Variants in CBLN2 observed in about 807,000 individuals in gnomAD.
The protein encoded by CBLN2 is cerebellin-2.
A neutral mutation model predicts 15.0 loss-of-function variants in CBLN2; 7 were observed. That is an observed-to-expected ratio of 0.47 (90% CI 0.27 to 0.88). The LOEUF is 0.88. CBLN2 is among the 40% of genes least tolerant of loss of function. CBLN2 has a pLI of 0.14. For synonymous variants in CBLN2, 149 were observed against 135.2 expected (o/e 1.10, Z -0.71); for missense variants, 242 against 304.5 (o/e 0.79, Z 1.53).
intron 1 of CBLN2, among the ~76,000 whole-genome samples, chr18:72,551,730 T>C (rs2069193345): frequency 6.6e-6 from 1 of 152,194 alleles, no homozygotes; most frequent in African/African-American, 2.4e-5. Flanking sequence ...ATACATTACA[T>C]GAAATTATAT....
At chr18:72,619,120 G>A (rs1367554421) in intron 1 of CBLN2, 2 of 744,302 alleles carry the variant, frequency 2.7e-6, no homozygotes, top group South Asian at 1.3e-5. Flanking sequence ...AGAAGCTCTG[G>A]CCCCTATGGT....
chr18:72,550,285 T>C (rs1297347783), intron 1 of CBLN2, among the ~76,000 whole-genome samples: 1 of 152,220 alleles, frequency 6.6e-6, no homozygotes, highest in Non-Finnish European at 1.5e-5. Context: ...TCCTCTCCAA[T>C]AAGCCTAAAC....
intron 1 of CBLN2, among the ~76,000 whole-genome samples, chr18:72,603,982 A>G (rs993321827): frequency 6.6e-6 from 1 of 152,228 alleles, no homozygotes; most frequent in Non-Finnish European, 1.5e-5. Flanking sequence ...GTGGCTACAC[A>G]TGGAATCCCA....
intron 1 of CBLN2, among the ~76,000 whole-genome samples, chr18:72,588,396 A>G (rs1414359066): frequency 6.6e-6 from 1 of 152,250 alleles, no homozygotes; most frequent in Non-Finnish European, 1.5e-5. Flanking sequence ...TTTGTATAAC[A>G]TGAAATTGAC....
intron 1 of CBLN2, among the ~76,000 whole-genome samples, chr18:72,549,442 C>A (rs541056127): frequency 1.1e-4 from 17 of 152,134 alleles, no homozygotes; most frequent in Non-Finnish European, 1.8e-4. Context: ...AGGTTTACTG[C>A]AGACACATAG....
At chr18:72,635,680 A>T (rs2069807670) in intron 1 of CBLN2, among the ~76,000 whole-genome samples, 1 of 152,150 alleles carries the variant, frequency 6.6e-6, no homozygotes, top group African/African-American at 2.4e-5. Flanking sequence ...AAAACAACAA[A>T]ATTATTCAAA....
intron 3 of CBLN2, among the ~76,000 whole-genome samples, chr18:72,540,809 A>G (rs1568248839): frequency 1.3e-5 from 2 of 152,338 alleles, no homozygotes; most frequent in South Asian, 2.1e-4. Flanking sequence ...CTAACAGACC[A>G]AAGGAAAGTC....
intron 1 of CBLN2, among the ~76,000 whole-genome samples, chr18:72,588,046 G>A (rs1418530333): frequency 4.6e-5 from 7 of 152,082 alleles, no homozygotes; most frequent in South Asian, 2.1e-4. Flanking sequence ...TTTATAAATC[G>A]CTATTATGTA....
intron 1 of CBLN2, among the ~76,000 whole-genome samples, chr18:72,551,183 G>A (rs1199844501): frequency 6.6e-6 from 1 of 151,928 alleles, no homozygotes; most frequent in Non-Finnish European, 1.5e-5. Flanking sequence ...AATTTTAGGT[G>A]TTTCTACCAT....
At chr18:72,577,023 T>C (rs1014414475) in intron 1 of CBLN2, among the ~76,000 whole-genome samples, 4 of 134,990 alleles carry the variant, frequency 3.0e-5, no homozygotes, top group African/African-American at 5.4e-5. Flanking sequence ...TATAATGTGA[T>C]ATATATAATG....
chr18:72,559,196 GC>G (rs774792251), intron 1 of CBLN2, among the ~76,000 whole-genome samples: 1 of 152,214 alleles, frequency 6.6e-6, no homozygotes, highest in Non-Finnish European at 1.5e-5. Flanking sequence ...CGGGTCTCAG[GC>G]AGCAATGCAC....
intron 1 of CBLN2, among the ~76,000 whole-genome samples, chr18:72,562,510 G>A (rs181322427): frequency 1.2e-4 from 19 of 152,210 alleles, no homozygotes; most frequent in Admixed American, 5.9e-4. Context: ...ATCATTTGTC[G>A]TACTAAAGTG....
chr18:72,621,958 C>G (rs772492636), intron 1 of CBLN2, among the ~76,000 whole-genome samples: 3 of 152,152 alleles, frequency 2.0e-5, no homozygotes, highest in African/African-American at 4.8e-5. Context: ...GAGTGGAACA[C>G]ACATTAATTA....
At chr18:72,550,492 T>C (rs528856858) in intron 1 of CBLN2, among the ~76,000 whole-genome samples, 3 of 152,236 alleles carry the variant, frequency 2.0e-5, no homozygotes, top group African/African-American at 7.2e-5. Context: ...GCTGGTACTA[T>C]TGTACAGAGT....
At position 72,538,108 on chromosome 18, in the gene CBLN2, A is replaced by G; in HGVS notation, c.*68T>C. The G allele has an allele frequency of 4.7e-6, 7 of 1,500,612 alleles. No individual in the cohort carries two copies. Among genetic ancestry groups the G allele is most frequent in the Non-Finnish European group, 6.5e-6 (7 of 1,078,702 alleles). 93.0% of individuals were successfully genotyped at this position (1,500,612 alleles called of 1,614,324 possible). A position where few individuals can be genotyped will look rare whatever the true frequency, so the allele number is the denominator to read the frequency against. On this transcript the variant is annotated 3_prime_UTR_variant, in exon 5 of 5. Transcript: ENST00000269503. The stretch of plus-strand genomic sequence containing the variant: ...CAAGGTGTCCAATTCCAGTAAGTTC[A>G]GGGTGTTTTAAAGGGCGGAGTCCTG...
intron 1 of CBLN2, among the ~76,000 whole-genome samples, chr18:72,599,271 G>A (rs889962028): frequency 1.3e-5 from 2 of 152,048 alleles, no homozygotes; most frequent in South Asian, 2.1e-4. Context: ...AGTCCGTAAA[G>A]TTTGTTACTT....
chr18:72,633,036 A>T (rs1265255719), intron 1 of CBLN2, among the ~76,000 whole-genome samples: 1 of 152,210 alleles, frequency 6.6e-6, no homozygotes, highest in African/African-American at 2.4e-5. Flanking sequence ...TTGTTAAATG[A>T]AAAAGTCGCT....
intron 1 of CBLN2, among the ~76,000 whole-genome samples, chr18:72,573,455 C>A (rs1369404164): frequency 6.6e-6 from 1 of 152,168 alleles, no homozygotes; most frequent in Non-Finnish European, 1.5e-5. Flanking sequence ...CTCCTTCTCC[C>A]CTAAGCCATG....
chr18:72,559,369 G>T (rs2069245984), intron 1 of CBLN2, among the ~76,000 whole-genome samples: 1 of 152,210 alleles, frequency 6.6e-6, no homozygotes, highest in Non-Finnish European at 1.5e-5. Flanking sequence ...TGACTGAGAA[G>T]TATCGTGTTC....
Sources: gnomAD v4.1 joint callset for allele counts (sites outside exome capture counted in the v4.1 genomes callset) on GRCh38, gnomAD v4.1.1 for gene constraint, MANE v1.5 for transcripts, NCBI Gene and HGNC (gene_info 2026-07-23, HGNC 2026-07-21) for gene names.